Variants in CHODL observed in about 807,000 individuals in gnomAD.
CHODL encodes the protein transmembrane protein MT75.
In CHODL, 29 loss-of-function variants were observed where a neutral mutation model predicts 34.5. The ratio of observed to expected loss-of-function variants is 0.84; its 90% CI spans 0.63 to 1.15. The LOEUF is 1.15. CHODL is among the 50% of genes most tolerant of loss of function. CHODL has a pLI of 0.00. For synonymous variants in CHODL, 125 were observed against 116.1 expected, an observed-to-expected ratio of 1.08 and a Z score of -0.49; for missense variants, 332 against 332.5, an observed-to-expected ratio of 1.00 and a Z score of 0.01.
At chr21:17,929,103 T>C (rs1185283318) in intron 1 of CHODL, among the ~76,000 whole-genome samples, 1 of 152,216 alleles carries the variant, frequency 6.6e-6, no homozygotes, top group African/African-American at 2.4e-5. Flanking sequence ...GTCAAGAACA[T>C]TTTACTTGTT....
intron 2 of CHODL, among the ~76,000 whole-genome samples, chr21:18,216,263 A>G (rs889826163): frequency 1.3e-5 from 2 of 152,198 alleles, no homozygotes; most frequent in Admixed American, 1.3e-4. Context: ...TCAAATATTT[A>G]TCATTTCTTT....
chr21:18,042,401 G>C (rs1341905134), intron 2 of CHODL, among the ~76,000 whole-genome samples: 1 of 151,790 alleles, frequency 6.6e-6, no homozygotes, highest in Admixed American at 6.6e-5. Flanking sequence ...AGACATGCTT[G>C]GTTTTCATTT....
intron 1 of CHODL, among the ~76,000 whole-genome samples, chr21:17,982,696 CTTTTTTTTTTTTTTT>C (rs397867753): frequency 4.8e-5 from 3 of 62,980 alleles, no homozygotes; most frequent in South Asian, 6.6e-4. Flanking sequence ...TATATATATT[CTTTTTTTTTTTTTTT>C]TTTTTTTTTT....
intron 2 of CHODL, among the ~76,000 whole-genome samples, chr21:18,050,147 C>T (rs1197489094): frequency 6.6e-6 from 1 of 151,866 alleles, no homozygotes; most frequent in East Asian, 1.9e-4. Context: ...GTGAAACCTG[C>T]TTCGTGTGAT....
At chr21:18,080,558 A>G (rs2064929941) in intron 2 of CHODL, among the ~76,000 whole-genome samples, 1 of 152,100 alleles carries the variant, frequency 6.6e-6, no homozygotes. Flanking sequence ...TGGTTATCCA[A>G]CTTTCCCGGC....
intron 2 of CHODL, among the ~76,000 whole-genome samples, chr21:18,039,173 ACTC>A (rs1219260638): frequency 6.6e-6 from 1 of 151,574 alleles, no homozygotes; most frequent in East Asian, 1.9e-4. Flanking sequence ...GTCTGTACTA[ACTC>A]CTCTGTGTTA....
At chr21:18,233,592 A>G (rs1162279869) in intron 2 of CHODL, among the ~76,000 whole-genome samples, 2 of 152,246 alleles carry the variant, frequency 1.3e-5, no homozygotes, top group Non-Finnish European at 2.9e-5. Flanking sequence ...GTTTTCGATA[A>G]CATTATCCAG....
chr21:17,968,489 GATAA>G (rs1266466079), intron 1 of CHODL, among the ~76,000 whole-genome samples: 3 of 152,092 alleles, frequency 2.0e-5, no homozygotes, highest in Admixed American at 1.3e-4. Flanking sequence ...CTCAGTCTCT[GATAA>G]ATAAAAAATT....
chr21:17,953,636 A>G (rs1371723402), intron 1 of CHODL, among the ~76,000 whole-genome samples: 1 of 152,218 alleles, frequency 6.6e-6, no homozygotes, highest in African/African-American at 2.4e-5. Flanking sequence ...AAATAATTAC[A>G]TTAAAGTAAT....
chr21:18,048,133 A>G (rs1289635583), intron 2 of CHODL, among the ~76,000 whole-genome samples: 3 of 151,946 alleles, frequency 2.0e-5, no homozygotes, highest in Non-Finnish European at 4.4e-5. Flanking sequence ...TTGGTAACTG[A>G]CAAATAGTGA....
chr21:18,079,087 A>C (rs529674024), intron 2 of CHODL, among the ~76,000 whole-genome samples: 2 of 152,142 alleles, frequency 1.3e-5, no homozygotes, highest in Non-Finnish European at 2.9e-5. Context: ...TAAATAGTGA[A>C]TATTGTACCC....
intron 2 of CHODL, among the ~76,000 whole-genome samples, chr21:18,097,166 C>T (rs1182731288): frequency 6.6e-6 from 1 of 152,086 alleles, no homozygotes; most frequent in Non-Finnish European, 1.5e-5. Flanking sequence ...TAGAACATGA[C>T]AAGGATGCCT....
chr21:18,166,852 A>AGTT (rs1601094611), intron 2 of CHODL, among the ~76,000 whole-genome samples: 2 of 152,124 alleles, frequency 1.3e-5, no homozygotes, highest in East Asian at 3.9e-4. Context: ...GACCAATGTC[A>AGTT]TGTGGAACTG....
rs372707840 is a variant in CHODL at position 18,010,505 on chromosome 21, A to G, written c.-144-17367A>G. Among the ~76,000 whole-genome samples, 182 of 152,200 alleles carry G rather than the reference A, an allele frequency of 1.2e-3. 1 individual carries two copies. Among genetic ancestry groups the G allele is most frequent in the Middle Eastern group, 6.8e-3 (2 of 294 alleles). ...GTGTCCCATGTTTAAACACTTCATA[A>G]TAGTCTCATTGATCTTTTCACAAAA... On this transcript the variant is annotated intron_variant, in intron 1 of 6. Transcript: ENST00000400127.
intron 2 of CHODL, among the ~76,000 whole-genome samples, chr21:18,217,482 G>C (rs1668198769): frequency 6.6e-6 from 1 of 151,522 alleles, no homozygotes; most frequent in Non-Finnish European, 1.5e-5. Flanking sequence ...AGCAGCATGA[G>C]GGTAACTGCC....
intron 2 of CHODL, among the ~76,000 whole-genome samples, chr21:18,135,395 A>T (rs1481826366): frequency 6.6e-6 from 1 of 151,936 alleles, no homozygotes; most frequent in East Asian, 1.9e-4. Context: ...CTTACATGAA[A>T]CTCAAAAATA....
At chr21:18,166,924 G>A (rs1389401060) in intron 2 of CHODL, among the ~76,000 whole-genome samples, 2 of 152,040 alleles carry the variant, frequency 1.3e-5, no homozygotes, top group Non-Finnish European at 2.9e-5. Flanking sequence ...TCTGTTCCAT[G>A]AATGCTTGCT....
At chr21:18,051,661 G>C (rs1219664009) in intron 2 of CHODL, among the ~76,000 whole-genome samples, 1 of 151,816 alleles carries the variant, frequency 6.6e-6, no homozygotes, top group East Asian at 1.9e-4. Context: ...TTGTAAATTT[G>C]GCAGGAATTT....
At chr21:18,182,568 T>C (rs1234679834) in intron 2 of CHODL, among the ~76,000 whole-genome samples, 6 of 152,210 alleles carry the variant, frequency 3.9e-5, no homozygotes, top group Non-Finnish European at 5.9e-5. Flanking sequence ...TCCTTAATTT[T>C]CTGTTTAAAA....
Sources: allele counts gnomAD v4.1 joint callset (sites outside exome capture counted in the v4.1 genomes callset), GRCh38; gene constraint gnomAD v4.1.1; transcripts MANE v1.5; gene names NCBI Gene and HGNC (gene_info 2026-07-23, HGNC 2026-07-21).